Variants in PDGFD observed in about 807,000 individuals in gnomAD.
PDGFD encodes platelet-derived growth factor D.
PDGFD carries 30 observed loss-of-function variants against 44.7 expected under a neutral mutation model. The ratio of observed to expected loss-of-function variants is 0.67; its 90% CI spans 0.50 to 0.91. The LOEUF is 0.91. Among genes scored for constraint, PDGFD ranks in the 40% least tolerant of loss-of-function variants. The pLI is 0.00. For synonymous variants in PDGFD, 173 were observed against 168.4 expected (o/e 1.03, Z -0.21); for missense variants, 445 against 457.8 (o/e 0.97, Z 0.25).
chr11:104,080,826 G>A lies in PDGFD; in HGVS notation c.125-80571C>T, dbSNP rs922368512. 1.2e-4 allele frequency among the ~76,000 whole-genome samples: 19 copies of A among 152,234 alleles called. No homozygotes were observed. In the East Asian group the frequency reaches 2.9e-3, roughly 23 times the overall value. ...TCCACCCTAGCCTCATGAATTGCTC[G>A]CTCTGGTTGGAAACCAGCTGCCATG... On this transcript the variant is annotated intron_variant, in intron 1 of 6. Transcript: ENST00000393158.
chr11:103,970,499 AG>A (rs1314787874), intron 3 of PDGFD, among the ~76,000 whole-genome samples: 2 of 152,154 alleles, frequency 1.3e-5, no homozygotes, highest in African/African-American at 4.8e-5. Context: ...TGCATTGATA[AG>A]ACAGAAATCA....
intron 3 of PDGFD, among the ~76,000 whole-genome samples, chr11:103,981,556 C>T (rs967035904): frequency 6.6e-5 from 10 of 151,630 alleles, no homozygotes; most frequent in Admixed American, 2.6e-4. Flanking sequence ...TGAATCCTTC[C>T]CATTTTACAA....
At chr11:104,006,621 C>A (rs1859705305) in intron 1 of PDGFD, among the ~76,000 whole-genome samples, 1 of 152,144 alleles carries the variant, frequency 6.6e-6, no homozygotes, top group Non-Finnish European at 1.5e-5. Context: ...CTCCAGACCC[C>A]AGGCTCCAGA....
intron 1 of PDGFD, chr11:104,036,681 G>T: frequency 1.5e-6 from 1 of 680,010 alleles, no homozygotes; most frequent in East Asian, 2.5e-5. Flanking sequence ...GAGTGTCCGC[G>T]CCTCTCTGAG....
chr11:104,153,821 T>G (rs1862273376), intron 1 of PDGFD, among the ~76,000 whole-genome samples: 1 of 152,018 alleles, frequency 6.6e-6, no homozygotes, highest in Non-Finnish European at 1.5e-5. Context: ...AATATATTTT[T>G]GGGGGTCATT....
At chr11:104,051,028 G>T (rs1197686834) in intron 1 of PDGFD, among the ~76,000 whole-genome samples, 1 of 152,044 alleles carries the variant, frequency 6.6e-6, no homozygotes, top group Non-Finnish European at 1.5e-5. Flanking sequence ...GGCCTTAGAG[G>T]TACTAATGAG....
chr11:103,999,946 G>A (rs1859595299), intron 2 of PDGFD, 105 bp downstream of exon 2: 1 of 959,380 alleles, frequency 1.0e-6, no homozygotes, highest in Non-Finnish European at 1.6e-6. Context: ...CACATGTTGG[G>A]TCCATTTAAA....
intron 1 of PDGFD, among the ~76,000 whole-genome samples, chr11:104,071,678 A>T (rs1424006327): frequency 6.6e-6 from 1 of 151,630 alleles, no homozygotes; most frequent in Non-Finnish European, 1.5e-5. Flanking sequence ...AGGCAATAAA[A>T]TTTTTCAGTT....
intron 3 of PDGFD, among the ~76,000 whole-genome samples, chr11:103,965,399 A>G (rs975390408): frequency 6.6e-6 from 1 of 152,164 alleles, no homozygotes; most frequent in East Asian, 1.9e-4. Context: ...ATTGTTTATC[A>G]TCATCAAAAG....
At chr11:104,080,420 G>T (rs961524214) in intron 1 of PDGFD, among the ~76,000 whole-genome samples, 40 of 152,074 alleles carry the variant, frequency 2.6e-4, no homozygotes, top group African/African-American at 9.4e-4. Context: ...ATTCTTTCTA[G>T]AAAACAAATA....
intron 5 of PDGFD, among the ~76,000 whole-genome samples, chr11:103,931,883 T>G (rs17101754): frequency 0.049 from 7,408 of 152,280 alleles, 314 homozygotes; most frequent in African/African-American, 0.11. Context: ...AGCAGCAGCC[T>G]ACATACTAGT....
chr11:104,002,808 T>A (rs984961298), intron 1 of PDGFD, among the ~76,000 whole-genome samples: 2 of 152,372 alleles, frequency 1.3e-5, no homozygotes, highest in African/African-American at 4.8e-5. Context: ...AATATTTTAA[T>A]CAAAAGCAAA....
At chr11:104,031,402 C>T (rs1860122633) in intron 1 of PDGFD, among the ~76,000 whole-genome samples, 1 of 152,168 alleles carries the variant, frequency 6.6e-6, no homozygotes, top group Admixed American at 6.5e-5. Flanking sequence ...GCTCAAGCAT[C>T]ACTGATCATT....
At chr11:104,070,509 T>C (rs954234201) in intron 1 of PDGFD, among the ~76,000 whole-genome samples, 2 of 152,182 alleles carry the variant, frequency 1.3e-5, no homozygotes, top group African/African-American at 4.8e-5. Context: ...GCCTCTAAAA[T>C]AATACAGGAG....
rs150685619 is a variant in PDGFD, at chr11:104,107,484, G to T, written c.124+56320C>A. ...ATTTGAGTAGAAGACCCCCTAAACT[G>T]TGCCTGGATTTCTGAGTCACCAAAT... On this transcript the variant is annotated intron_variant, in intron 1 of 6. Coordinates refer to ENST00000393158, the MANE Select transcript of PDGFD (RefSeq NM_025208.5). Among the ~76,000 whole-genome samples the T allele has an allele frequency of 5.1e-3, 774 of 152,230 alleles. 11 individuals are homozygous for T. Among genetic ancestry groups the T allele is most frequent in the African/African-American group, 0.017 (709 of 41,526 alleles).
intron 1 of PDGFD, chr11:104,037,196 C>T (rs1275423022): frequency 6.2e-7 from 1 of 1,613,740 alleles, no homozygotes; most frequent in Non-Finnish European, 8.5e-7. Flanking sequence ...GCCCAGCGGT[C>T]ACAGGGCTTG....
At chr11:103,909,943 G>A in intron 6 of PDGFD, 124 bp from the exon 7 acceptor site, 1 of 1,178,720 alleles carries the variant, frequency 8.5e-7, no homozygotes, top group Non-Finnish European at 1.2e-6. Flanking sequence ...GAAGCTATGG[G>A]CTTGCTATTA....
intron 6 of PDGFD, among the ~76,000 whole-genome samples, chr11:103,918,380 C>G (rs967385232): frequency 6.6e-6 from 1 of 152,144 alleles, no homozygotes; most frequent in South Asian, 2.1e-4. Flanking sequence ...CTAGGGGATG[C>G]AGGAGAGGGA....
chr11:104,003,644 A>C (rs1859653624), intron 1 of PDGFD, among the ~76,000 whole-genome samples: 1 of 152,222 alleles, frequency 6.6e-6, no homozygotes, highest in African/African-American at 2.4e-5. Context: ...CAGGGGAAAC[A>C]TTTTTAGAGG....
Sources: gnomAD v4.1 joint callset for allele counts (sites outside exome capture counted in the v4.1 genomes callset) on GRCh38, gnomAD v4.1.1 for gene constraint, MANE v1.5 for transcripts, NCBI Gene and HGNC (gene_info 2026-07-23, HGNC 2026-07-21) for gene names.